Variants in STARD13 observed in about 807,000 individuals in gnomAD.
STARD13 encodes StAR related lipid transfer domain containing 13, also known as stAR-related lipid transfer protein 13.
STARD13 carries 62 observed loss-of-function variants against 106.4 expected under a neutral mutation model. The ratio of observed to expected loss-of-function variants is 0.58; its 90% CI spans 0.48 to 0.72. STARD13 has a LOEUF of 0.72. Ranked by LOEUF, STARD13 falls within the 30% of genes least tolerant of loss-of-function variation. The probability of loss-of-function intolerance (pLI) is 0.00; values close to 1 mark genes in which losing one functional copy is unlikely to be tolerated. For missense variants in STARD13, 1,387 were observed against 1,424.0 expected (o/e 0.97, Z 0.42); for synonymous variants, 565 against 553.0 (o/e 1.02, Z -0.31).
intron 3 of STARD13, among the ~76,000 whole-genome samples, chr13:33,156,061 T>A (rs1200817396): frequency 1.3e-5 from 2 of 152,354 alleles, no homozygotes; most frequent in African/African-American, 4.8e-5. Context: ...CTTGGCTGCA[T>A]TACGCCCCCA....
At chr13:33,494,820 A>C in the STARD13 span, among the ~76,000 whole-genome samples, 3 of 152,142 alleles carry the variant, frequency 2.0e-5, no homozygotes, top group Admixed American at 6.6e-5. Context: ...CACTCTATAG[A>C]GGTCACAATG....
At chr13:33,205,914 G>A (rs1887386225) in intron 1 of STARD13, 3 of 985,350 alleles carry the variant, frequency 3.0e-6, no homozygotes, top group Non-Finnish European at 3.6e-6. Context: ...CTGCTCCTCA[G>A]AAACTGACAG....
chr13:33,545,249 C>G, the STARD13 span, among the ~76,000 whole-genome samples: 12 of 151,836 alleles, frequency 7.9e-5, no homozygotes, highest in African/African-American at 2.7e-4. Context: ...TGTGAGCCAC[C>G]GCGCCTGGCC....
At chr13:33,384,262 C>T in the STARD13 span, among the ~76,000 whole-genome samples, 7 of 152,168 alleles carry the variant, frequency 4.6e-5, no homozygotes, top group African/African-American at 7.2e-5. Flanking sequence ...TTTAACCCTG[C>T]TGTTTATTAC....
the STARD13 span, among the ~76,000 whole-genome samples, chr13:33,386,695 G>A: frequency 6.6e-6 from 1 of 151,984 alleles, no homozygotes; most frequent in Non-Finnish European, 1.5e-5. Flanking sequence ...TTGCCTTTAT[G>A]TTTCCAGAAG....
At chr13:33,420,635 A>G in the STARD13 span, among the ~76,000 whole-genome samples, 2 of 152,256 alleles carry the variant, frequency 1.3e-5, no homozygotes, top group Non-Finnish European at 2.9e-5. Context: ...CTCCATCCCA[A>G]ATCAACAGAA....
chr13:33,505,117 A>T, the STARD13 span, among the ~76,000 whole-genome samples: 1 of 152,198 alleles, frequency 6.6e-6, no homozygotes, highest in Non-Finnish European at 1.5e-5. Context: ...GACTGGGAAT[A>T]GTAAGTTGAT....
chr13:33,544,851 G>C, the STARD13 span, among the ~76,000 whole-genome samples: 1 of 141,918 alleles, frequency 7.0e-6, no homozygotes, highest in African/African-American at 2.6e-5. Flanking sequence ...TCAGCTCACT[G>C]CAATCTCTGC....
chr13:33,465,804 T>G, the STARD13 span, among the ~76,000 whole-genome samples: 1 of 152,188 alleles, frequency 6.6e-6, no homozygotes, highest in South Asian at 2.1e-4. Context: ...TACCAGTCCA[T>G]GTAAGGATAA....
At chr13:33,364,234 G>A in the STARD13 span, among the ~76,000 whole-genome samples, 3 of 152,088 alleles carry the variant, frequency 2.0e-5, no homozygotes, top group Non-Finnish European at 2.9e-5. Flanking sequence ...GGGAGGCCAA[G>A]CCAAAAGGAT....
the STARD13 span, among the ~76,000 whole-genome samples, chr13:33,519,244 CTTTCTTT>C: frequency 2.0e-5 from 3 of 150,178 alleles, no homozygotes; most frequent in Non-Finnish European, 4.4e-5. Context: ...TTCTTTCTTT[CTTTCTTT>C]CTTTCTTTCT....
chr13:33,593,387 G>A, the STARD13 span, among the ~76,000 whole-genome samples: 2 of 152,054 alleles, frequency 1.3e-5, no homozygotes, highest in South Asian at 4.1e-4. Context: ...GTTTCACCAT[G>A]TTGTCCAGGC....
the STARD13 span, among the ~76,000 whole-genome samples, chr13:33,620,994 G>A: frequency 0.019 from 2,852 of 151,758 alleles, 86 homozygotes; most frequent in African/African-American, 0.065. Flanking sequence ...CTAAAGAAGT[G>A]TTTAGAAGAA....
chr13:33,241,224 A>G (rs1053265373), intron 1 of STARD13, among the ~76,000 whole-genome samples: 4 of 152,196 alleles, frequency 2.6e-5, no homozygotes, highest in Admixed American at 6.5e-5. Context: ...ACCTCTATTC[A>G]TAGAAAGTAG....
the STARD13 span, among the ~76,000 whole-genome samples, chr13:33,385,328 T>C: frequency 7.2e-6 from 1 of 139,686 alleles, no homozygotes; most frequent in Non-Finnish European, 1.5e-5. Context: ...GTTTTCAAAA[T>C]GAAAAAAAGG....
At chr13:33,392,658 C>T in the STARD13 span, among the ~76,000 whole-genome samples, 1 of 152,166 alleles carries the variant, frequency 6.6e-6, no homozygotes. Flanking sequence ...CCTCAGCCTC[C>T]CAAAGTACTA....
chr13:33,331,636 G>C (rs2077838146), intron 1 of STARD13, among the ~76,000 whole-genome samples: 1 of 151,582 alleles, frequency 6.6e-6, no homozygotes, highest in South Asian at 2.1e-4. Context: ...AAAGTGCTGG[G>C]ATTACAGGTG....
the STARD13 span, among the ~76,000 whole-genome samples, chr13:33,420,514 A>T: frequency 6.6e-6 from 1 of 152,238 alleles, no homozygotes; most frequent in Non-Finnish European, 1.5e-5. Context: ...GGGAGACTTT[A>T]ACACCCCACT....
intron 7 of STARD13, among the ~76,000 whole-genome samples, chr13:33,120,923 T>C (rs1161441444): frequency 6.6e-6 from 1 of 152,166 alleles, no homozygotes; most frequent in Non-Finnish European, 1.5e-5. Flanking sequence ...CATTTTTTAG[T>C]AGAGACAGGA....
Sources: allele counts gnomAD v4.1 joint callset (sites outside exome capture counted in the v4.1 genomes callset), GRCh38; gene constraint gnomAD v4.1.1; transcripts MANE v1.5; gene names NCBI Gene and HGNC (gene_info 2026-07-23, HGNC 2026-07-21).